UBE2R2: variants seen among roughly 807,000 people sequenced by gnomAD.
UBE2R2 encodes the protein ubiquitin conjugating enzyme E2 R2, also known as ubiquitin-conjugating enzyme E2 R2.
UBE2R2 carries 1 observed loss-of-function variant against 27.8 expected under a neutral mutation model. The ratio of observed to expected loss-of-function variants is 0.04; its 90% CI spans 0.01 to 0.17. The LOEUF is 0.17. UBE2R2 is among the 10% of genes least tolerant of loss of function. UBE2R2 has a pLI of 1.00. For missense variants in UBE2R2, 100 were observed against 291.0 expected, an observed-to-expected ratio of 0.34 and a Z score of 4.78; for synonymous variants, 106 against 113.3, an observed-to-expected ratio of 0.94 and a Z score of 0.41.
At chr9:33,822,145 G>A (rs1388735087) in intron 1 of UBE2R2, among the ~76,000 whole-genome samples, 1 of 149,848 alleles carries the variant, frequency 6.7e-6, no homozygotes, top group East Asian at 2.0e-4. Flanking sequence ...AGGCTGGAGT[G>A]CAGTGGAGCG....
chr9:33,828,983 C>T (rs1030061627), intron 1 of UBE2R2, among the ~76,000 whole-genome samples: 6 of 152,008 alleles, frequency 3.9e-5, no homozygotes, highest in Admixed American at 3.9e-4. Flanking sequence ...GATCTGCCTG[C>T]CTCAGCCTCC....
rs10971760 is a variant in UBE2R2 at position 33,877,827 on chromosome 9, C to G, written c.178-9054C>G. On this transcript the variant is annotated intron_variant, in intron 1 of 4. Coordinates refer to ENST00000263228, the MANE Select transcript of UBE2R2 (RefSeq NM_017811.4). Reference sequence around the variant, plus strand: ...TGTCTGTCTGTCTGTCTGTCTGTCTCTCTCTCTCTCTCTCTCTCTCTCCCA... The same window carrying G: ...TGTCTGTCTGTCTGTCTGTCTGTCTGTCTCTCTCTCTCTCTCTCTCTCCCA... Among the ~76,000 whole-genome samples, 556 of 82,988 alleles carry G rather than the reference C, an allele frequency of 6.7e-3. 7 individuals carry two copies. The highest frequency in any genetic ancestry group is 0.06 in the East Asian group (223 of 3,714). The allele number at this position is 82,988 out of a possible 152,430, so 54.4% of individuals were successfully genotyped here.
chr9:33,911,649 AT>A (rs1419209123), intron 3 of UBE2R2, among the ~76,000 whole-genome samples: 1 of 152,068 alleles, frequency 6.6e-6, no homozygotes, highest in African/African-American at 2.4e-5. Flanking sequence ...TGCTTTGTGC[AT>A]TACCCTTATA....
In UBE2R2 at chr9:33,918,768, ACTC is replaced by A. The variant is rs544493018; in HGVS notation, c.*1537_*1539del. ...TTCAGACCCCTGGGCACTAGTGTCA[ACTC>A]CTCCTTTGGCTCGTAACTCAGAAAG... On this transcript the variant is annotated 3_prime_UTR_variant, in exon 5 of 5. Coordinates refer to ENST00000263228, the MANE Select transcript of UBE2R2 (RefSeq NM_017811.4). 2.0e-4 allele frequency: 31 copies of A among 152,552 alleles called. No homozygotes were observed. The highest frequency in any genetic ancestry group is 7.2e-4 in the African/African-American group (30 of 41,496). The allele number at this position is 152,552 out of a possible 1,614,324, so 9.4% of individuals were successfully genotyped here.
chr9:33,872,896 C>G (rs945902953), intron 1 of UBE2R2, among the ~76,000 whole-genome samples: 1 of 150,382 alleles, frequency 6.6e-6, no homozygotes, highest in South Asian at 2.1e-4. Context: ...CATATCAGGC[C>G]GGGCTCTGTG....
intron 1 of UBE2R2, among the ~76,000 whole-genome samples, chr9:33,846,751 G>A (rs1820855382): frequency 6.6e-6 from 1 of 152,154 alleles, no homozygotes; most frequent in Admixed American, 6.6e-5. Context: ...AAATGAATGA[G>A]TATGGTTGTT....
chr9:33,913,352 G>A (rs1252314440), intron 4 of UBE2R2, among the ~76,000 whole-genome samples: 7 of 152,022 alleles, frequency 4.6e-5, no homozygotes, highest in South Asian at 2.1e-4. Context: ...TCAAATTCCC[G>A]GGCTCAGGCA....
chr9:33,874,665 A>G (rs1402690623), intron 1 of UBE2R2, among the ~76,000 whole-genome samples: 1 of 151,550 alleles, frequency 6.6e-6, no homozygotes, highest in Non-Finnish European at 1.5e-5. Context: ...ATTTCAGAAT[A>G]GTTTTTTGTT....
chr9:33,830,404 G>T (rs1442177924), intron 1 of UBE2R2, among the ~76,000 whole-genome samples: 15 of 143,604 alleles, frequency 1.0e-4, no homozygotes, highest in South Asian at 4.7e-4. Context: ...TGATCTGCCC[G>T]CCTCGGCCTC....
intron 1 of UBE2R2, among the ~76,000 whole-genome samples, chr9:33,822,351 C>G (rs1158985063): frequency 1.3e-5 from 2 of 150,936 alleles, no homozygotes; most frequent in Admixed American, 6.6e-5. Flanking sequence ...CTCAGCCTCC[C>G]AAAGTGCTGG....
intron 1 of UBE2R2, among the ~76,000 whole-genome samples, chr9:33,830,158 AT>A (rs34007720): frequency 1.9e-3 from 260 of 135,362 alleles, no homozygotes; most frequent in Middle Eastern, 4.3e-3. Flanking sequence ...AAGTTTCATA[AT>A]TTTTTTTTTT....
intron 3 of UBE2R2, among the ~76,000 whole-genome samples, chr9:33,909,956 C>T (rs1034561727): frequency 6.6e-6 from 1 of 152,152 alleles, no homozygotes; most frequent in African/African-American, 2.4e-5. Context: ...GCCTGGTTTC[C>T]TCCCTTTATT....
In UBE2R2 at chr9:33,817,740, G is replaced by C. The variant is rs1363132713; in HGVS notation, c.-18G>C. 1 of 1,488,614 alleles carries C rather than the reference G, an allele frequency of 6.7e-7. No individual in the cohort carries two copies. 92.2% of individuals were successfully genotyped at this position (1,488,614 alleles called of 1,614,324 possible). Reference sequence around the variant, plus strand: ...ACTGGGGCCCGGGCCCGGCGCCGCCGCCGCCGCCGCCGCCGCGATGGCCCA... The same window carrying C: ...ACTGGGGCCCGGGCCCGGCGCCGCCCCCGCCGCCGCCGCCGCGATGGCCCA... On this transcript the variant is annotated 5_prime_UTR_variant, in exon 1 of 5. Coordinates refer to ENST00000263228, the MANE Select transcript of UBE2R2 (RefSeq NM_017811.4).
rs576465797 is a variant in UBE2R2, at chr9:33,860,013, C to T, written c.178-26868C>T. 1.5e-4 allele frequency among the ~76,000 whole-genome samples: 23 copies of T among 152,072 alleles called. 1 individual carries two copies. In the South Asian group the frequency reaches 4.8e-3, roughly 32 times the overall value. The stretch of plus-strand genomic sequence containing the variant: ...ATAAAGACAAGGTCTCCCTGTGTTG[C>T]CCGGATTGGTCTTGAACTCCTGGCC... On this transcript the variant is annotated intron_variant, in intron 1 of 4. Transcript: ENST00000263228.
At chr9:33,890,952 T>A (rs1012489989) in intron 2 of UBE2R2, among the ~76,000 whole-genome samples, 1 of 152,160 alleles carries the variant, frequency 6.6e-6, no homozygotes. Context: ...AATTGAAATT[T>A]TTGAGGACCA....
Position 33,841,717 on chromosome 9 carries a change from C to T in UBE2R2, c.177+23783C>T, listed in dbSNP as rs145865141. ...TAACCACTTCTGTATTATAATACAT[C>T]GGTGTATATTTTTCCATGTTAAAAA... On this transcript the variant is annotated intron_variant, in intron 1 of 4. Transcript: ENST00000263228. 3.7e-3 allele frequency among the ~76,000 whole-genome samples: 561 copies of T among 152,064 alleles called. 2 individuals are homozygous for T. Among genetic ancestry groups the T allele is most frequent in the Non-Finnish European group, 6.9e-3 (467 of 67,992 alleles).
intron 4 of UBE2R2, among the ~76,000 whole-genome samples, chr9:33,915,313 C>A (rs1822615954): frequency 6.6e-6 from 1 of 152,086 alleles, no homozygotes; most frequent in Non-Finnish European, 1.5e-5. Context: ...ATGGGAGAAA[C>A]TGTCCATAGA....
intron 1 of UBE2R2, among the ~76,000 whole-genome samples, chr9:33,859,763 T>TGTGTGG (rs909257257): frequency 3.1e-5 from 3 of 97,694 alleles, no homozygotes; most frequent in African/African-American, 1.2e-4. Flanking sequence ...AAGCCTTTTG[T>TGTGTGG]GTGTGTGTGT....
At chr9:33,819,027 A>G (rs1414847281) in intron 1 of UBE2R2, among the ~76,000 whole-genome samples, 1 of 152,132 alleles carries the variant, frequency 6.6e-6, no homozygotes, top group African/African-American at 2.4e-5. Flanking sequence ...GTGTTTTTGC[A>G]GGGAGGAATC....
Sources: allele counts gnomAD v4.1 joint callset (sites outside exome capture counted in the v4.1 genomes callset), GRCh38; gene constraint gnomAD v4.1.1; transcripts MANE v1.5; gene names NCBI Gene and HGNC (gene_info 2026-07-23, HGNC 2026-07-21).